ADAM12: variants seen among roughly 807,000 people sequenced by gnomAD.
ADAM12 encodes the protein disintegrin and metalloproteinase domain-containing protein 12.
In ADAM12, 70 loss-of-function variants were observed where a neutral mutation model predicts 106.4. The ratio of observed to expected loss-of-function variants is 0.66; its 90% confidence interval spans 0.54 to 0.80. The LOEUF (loss-of-function observed/expected upper bound fraction) is 0.80. ADAM12 is among the 30% of genes least tolerant of loss of function. The pLI, the probability that ADAM12 is intolerant of heterozygous loss-of-function variation, is 0.00. For missense variants in ADAM12, 1,010 were observed against 1,171.9 expected (o/e 0.86, Z 2.02); for synonymous variants, 420 against 433.5 (o/e 0.97, Z 0.39).
intron 21 of ADAM12, among the ~76,000 whole-genome samples, chr10:126,022,431 GT>G (rs1953785828): frequency 6.6e-6 from 1 of 152,196 alleles, no homozygotes; most frequent in Non-Finnish European, 1.5e-5. Flanking sequence ...TGTTGCCTAG[GT>G]AAGATGCTGG....
At chr10:126,203,353 G>C (rs60980008) in intron 3 of ADAM12, among the ~76,000 whole-genome samples, 3,560 of 152,222 alleles carry the variant, frequency 0.023, 123 homozygotes, top group African/African-American at 0.08. Flanking sequence ...AAATAGCTTG[G>C]TTCAGTTGTT....
intron 3 of ADAM12, among the ~76,000 whole-genome samples, chr10:126,223,644 T>C (rs1958138533): frequency 6.6e-6 from 1 of 152,232 alleles, no homozygotes; most frequent in African/African-American, 2.4e-5. Flanking sequence ...GCAGCCCGCG[T>C]GGCCCTTCCT....
At chr10:126,330,666 C>T (rs1854480751) in intron 1 of ADAM12, among the ~76,000 whole-genome samples, 157 bp from the exon 2 acceptor site, 2 of 152,298 alleles carry the variant, frequency 1.3e-5, no homozygotes, top group South Asian at 4.1e-4. Context: ...GTTAAAACTG[C>T]TGAATTCTCT....
intron 1 of ADAM12, among the ~76,000 whole-genome samples, chr10:126,341,865 G>C (rs1191397312): frequency 6.6e-6 from 1 of 152,178 alleles, no homozygotes. Flanking sequence ...GTTTTTGAAG[G>C]TTAACTCTTA....
intron 3 of ADAM12, among the ~76,000 whole-genome samples, chr10:126,259,147 T>C (rs1473393228): frequency 6.6e-6 from 1 of 152,124 alleles, no homozygotes; most frequent in African/African-American, 2.4e-5. Context: ...CTTGGTGGTC[T>C]GTATCTAACA....
intron 3 of ADAM12, among the ~76,000 whole-genome samples, chr10:126,161,631 C>T (rs1441214133): frequency 6.6e-6 from 1 of 152,184 alleles, no homozygotes; most frequent in African/African-American, 2.4e-5. Context: ...GATACACGTC[C>T]CACATCTTTC....
At chr10:126,367,422 G>A (rs1009478549) in intron 1 of ADAM12, among the ~76,000 whole-genome samples, 2 of 151,830 alleles carry the variant, frequency 1.3e-5, no homozygotes, top group African/African-American at 2.4e-5. Flanking sequence ...AAGGAGTACT[G>A]CACCAGGGAT....
chr10:126,352,577 G>A (rs773725379), intron 1 of ADAM12, among the ~76,000 whole-genome samples: 1 of 152,200 alleles, frequency 6.6e-6, no homozygotes, highest in Non-Finnish European at 1.5e-5. Context: ...ACCACAGCTG[G>A]TCAGCGTTGC....
At chr10:126,235,071 G>A (rs1469743177) in intron 3 of ADAM12, among the ~76,000 whole-genome samples, 5 of 152,180 alleles carry the variant, frequency 3.3e-5, no homozygotes, top group Admixed American at 6.5e-5. Context: ...GCAGAGGGGT[G>A]GAAAGGGTCG....
chr10:126,068,088 T>A (rs1039916335), intron 12 of ADAM12, among the ~76,000 whole-genome samples: 1 of 152,206 alleles, frequency 6.6e-6, no homozygotes, highest in Admixed American at 6.5e-5. Context: ...GAATGCGTAA[T>A]ATATACAATA....
Position 126,108,609 on chromosome 10 carries a change from G to A in ADAM12, c.725C>T (p.Ala242Val). 2 of 1,613,944 alleles carry A rather than the reference G, an allele frequency of 1.2e-6. No homozygotes were observed. The highest frequency in any genetic ancestry group is 1.3e-5 in the African/African-American group (1 of 75,040). ...AGAACTTACCTTGTCAACGTGATTA[G>A]CAATCTCTATTAATCGCTGCTTAAC... ...EKVKQRLIEIANHVDKFYRPL... is the reference protein window; with the variant it reads ...EKVKQRLIEIVNHVDKFYRPL... Residue 242 changes from alanine (A) to valine (V), a missense_variant, in exon 8 of 23, where the codon GCT becomes GTT. By Grantham distance (64) the Ala-to-Val change is moderately conservative. Transcript: ENST00000448723.
intron 21 of ADAM12, among the ~76,000 whole-genome samples, chr10:126,022,814 TCTTAA>T (rs965176754): frequency 7.9e-5 from 12 of 152,370 alleles, no homozygotes; most frequent in East Asian, 1.9e-4. Context: ...TTTTATGCCC[TCTTAA>T]CTTCTTCCAG....
chr10:126,039,784 C>T (rs984412727), intron 18 of ADAM12, among the ~76,000 whole-genome samples: 12 of 152,070 alleles, frequency 7.9e-5, no homozygotes, highest in African/African-American at 2.9e-4. Flanking sequence ...ACTGGAATCA[C>T]AGCCATCCCC....
chr10:126,297,848 C>T lies in ADAM12; in HGVS notation c.187-18860G>A, dbSNP rs562571949. 1.5e-4 allele frequency among the ~76,000 whole-genome samples: 23 copies of T among 152,188 alleles called. 1 individual carries two copies. In the South Asian group the frequency reaches 3.5e-3, roughly 23 times the overall value. On this transcript the variant is annotated intron_variant, in intron 2 of 22. Transcript: ENST00000448723. ...GTAACTGTCCCACTCAAGGAATCTG[C>T]AGCTATTAGGAGAGGCAGCTGAGAG... is the stretch of plus-strand genomic sequence containing the variant.
At chr10:126,046,550 A>G (rs1954325244) in intron 16 of ADAM12, among the ~76,000 whole-genome samples, 2 of 152,014 alleles carry the variant, frequency 1.3e-5, no homozygotes, top group South Asian at 4.2e-4. Context: ...CACTCCTGTA[A>G]TACCAGCACT....
At position 126,113,531 on chromosome 10, in the gene ADAM12, A is replaced by C. The variant is rs576259959; in HGVS notation, c.604-3691T>G. On this transcript the variant is annotated intron_variant, in intron 6 of 22. Transcript: ENST00000448723. ...ATAAATTAGCCAGGTGTAGTGGTAC[A>C]CGCCTGTAGTCCCAGCTACTCGGGA... Among the ~76,000 whole-genome samples the C allele has an allele frequency of 1.3e-4, 19 of 145,290 alleles. 3 individuals carry two copies. Among genetic ancestry groups the C allele is most frequent in the African/African-American group, 4.9e-4 (18 of 36,528 alleles).
chr10:126,052,531 T>C (rs1954529899), intron 14 of ADAM12, among the ~76,000 whole-genome samples: 1 of 152,242 alleles, frequency 6.6e-6, no homozygotes, highest in Non-Finnish European at 1.5e-5. Context: ...ACATTTGTTT[T>C]CCTTATAGGG....
chr10:126,276,454 C>T (rs1479373036), intron 3 of ADAM12, among the ~76,000 whole-genome samples: 1 of 152,144 alleles, frequency 6.6e-6, no homozygotes. Context: ...GCATTTCACT[C>T]TACTTGATTT....
intron 18 of ADAM12, among the ~76,000 whole-genome samples, chr10:126,041,032 T>C (rs926540528): frequency 6.6e-6 from 1 of 152,136 alleles, no homozygotes. Context: ...TCAGAATGCA[T>C]GTTTCCCTCG....
Sources: gnomAD v4.1 joint callset for allele counts (sites outside exome capture counted in the v4.1 genomes callset) on GRCh38, gnomAD v4.1.1 for gene constraint, MANE v1.5 for transcripts, NCBI Gene and HGNC (gene_info 2026-07-23, HGNC 2026-07-21) for gene names.